The following PGC variants were observed in gnomAD, a reference collection of about 807,000 sequenced individuals.
The protein encoded by PGC is gastricsin.
A neutral mutation model predicts 45.9 loss-of-function variants in PGC; 31 were observed. The ratio of observed to expected loss-of-function variants is 0.67; its 90% CI spans 0.51 to 0.91. The LOEUF (loss-of-function observed/expected upper bound fraction) is 0.91, where lower values mean the gene tolerates loss of function less well. PGC is among the 40% of genes least tolerant of loss of function. The pLI, the probability that PGC is intolerant of heterozygous loss-of-function variation, is 0.00. For synonymous variants in PGC, 192 were observed against 201.8 expected, an observed-to-expected ratio of 0.95 and a Z score of 0.41; for missense variants, 477 against 493.2, an observed-to-expected ratio of 0.97 and a Z score of 0.31.
At chr6:41,745,540 G>T (rs1444263361) in intron 1 of PGC, among the ~76,000 whole-genome samples, 1 of 145,906 alleles carries the variant, frequency 6.9e-6, no homozygotes, top group Non-Finnish European at 1.5e-5. Context: ...ACCTGGCCCA[G>T]GATATGTAGT....
rs1420440261 is a variant in PGC at position 41,744,310 on chromosome 6, G to C, written c.328+87C>G. The C allele has an allele frequency of 4.5e-6, 4 of 893,524 alleles. No individual in the cohort carries two copies. In the East Asian group the frequency reaches 7.3e-5, roughly 16 times the overall value. 55.3% of individuals were successfully genotyped at this position (893,524 alleles called of 1,614,324 possible). ...CCAGGACTGAGCTCCCCTCAGTCCT[G>C]AGCTCCCTCTGGAAGTTTGGCCCTC... On this transcript the variant is annotated intron_variant, in intron 3 of 8. Transcript: ENST00000373025. The surrounding 1 kb of genome is among the most constrained non-coding windows in gnomAD (Gnocchi z 4.4).
At chr6:41,737,102 TG>T in intron 8 of PGC, 98 bp from the exon 9 acceptor site, 1 of 1,222,738 alleles carries the variant, frequency 8.2e-7, no homozygotes, top group Non-Finnish European at 1.1e-6. Flanking sequence ...AGTGCAGAGC[TG>T]AGGGAGCCAG....
intron 8 of PGC, 115 bp downstream of exon 8, chr6:41,737,615 G>GT (rs1431695487): frequency 1.1e-5 from 7 of 649,764 alleles, no homozygotes; most frequent in African/African-American, 3.6e-5. Context: ...AGATAAATGA[G>GT]TACAAGCGTG....
intron 4 of PGC, among the ~76,000 whole-genome samples, chr6:41,742,939 C>T (rs1278681677): frequency 2.0e-5 from 3 of 152,196 alleles, no homozygotes; most frequent in African/African-American, 7.2e-5. Flanking sequence ...TGCCTCTTGA[C>T]AGGTGTTGCA....
intron 5 of PGC, chr6:41,741,891 A>G: frequency 7.3e-7 from 1 of 1,378,744 alleles, no homozygotes; most frequent in Non-Finnish European, 1.0e-6. Context: ...ACTATGCAAA[A>G]GAGGGATACA....
chr6:41,740,758 G>A (rs1771807418), intron 5 of PGC, 148 bp from the exon 6 acceptor site: 8 of 1,451,000 alleles, frequency 5.5e-6, no homozygotes, highest in Non-Finnish European at 5.4e-6. Context: ...CTTCAGACTG[G>A]GGCTCCCTGA....
intron 1 of PGC, among the ~76,000 whole-genome samples, chr6:41,745,548 A>AC (rs757004562): frequency 0.018 from 2,445 of 138,676 alleles, 108 homozygotes; most frequent in African/African-American, 0.059. Flanking sequence ...CAGGATATGT[A>AC]GTTTTTTTTT....
intron 3 of PGC, 30 bp from the exon 4 acceptor site, chr6:41,743,419 G>A: frequency 2.2e-6 from 3 of 1,378,258 alleles, no homozygotes; most frequent in Non-Finnish European, 3.1e-6. Flanking sequence ...TGGGGAGTCA[G>A]GCCGGCTGGG....
In PGC at chr6:41,739,854, T is replaced by C. The variant is rs758492896; in HGVS notation, c.860A>G (p.Gln287Arg). The change falls in exon 7 of 9, where the codon CAG (glutamine) becomes CGG (arginine). Residue 287 changes from glutamine (Q) to arginine (R), a missense_variant. Gln to Arg is a conservative substitution (Grantham distance 43). Coordinates refer to ENST00000373025, the MANE Select transcript of PGC (RefSeq NM_002630.4). ...TGTSLLTVPQ[Q>R]YMSALLQATG... ...GGCCTGCAGAAGAGCACTCATGTAC[T>C]GCTGGGGCACAGTGAGCAGAGAGGT... The C allele has an allele frequency of 5.0e-6, 8 of 1,614,148 alleles. No homozygotes were observed. The highest frequency in any genetic ancestry group is 6.8e-6 in the Non-Finnish European group (8 of 1,180,022).
intron 6 of PGC, 95 bp downstream of exon 6, chr6:41,740,396 T>C: frequency 6.9e-7 from 1 of 1,458,040 alleles, no homozygotes; most frequent in South Asian, 1.4e-5. Context: ...CTCTGCCCCA[T>C]CCCAGAGCAG....
Position 41,747,390 on chromosome 6 carries a change from A to G in PGC, c.-56T>C. The G allele has an allele frequency of 2.1e-6, 3 of 1,437,114 alleles. No individual in the cohort carries two copies. The highest frequency in any genetic ancestry group is 2.9e-6 in the Non-Finnish European group (3 of 1,019,534). The allele number at this position is 1,437,114 out of a possible 1,614,324, so 89.0% of individuals were successfully genotyped here. On this transcript the variant is annotated 5_prime_UTR_variant, in exon 1 of 9. Coordinates refer to ENST00000373025, the MANE Select transcript of PGC (RefSeq NM_002630.4). ...GAGCAGCTCTGAGTTCTGCAGTCGC[A>G]GTGGAGTGAAGACCTGGGCACTCTT...
chr6:41,744,254 T>C lies in PGC; in HGVS notation c.328+143A>G. On this transcript the variant is annotated intron_variant, in intron 3 of 8. Transcript: ENST00000373025. The surrounding 1 kb of genome is among the most constrained non-coding windows in gnomAD (Gnocchi z 4.4). ...CATCTTTCCTCTGGCTTGGGCATGC[T>C]GTGTGGCCCTGCACATGTCCCTGGT... is the stretch of plus-strand genomic sequence containing the variant. 1.7e-6 allele frequency: 1 copy of C among 576,804 alleles called. No individual in the cohort carries two copies. The highest frequency in any genetic ancestry group is 3.1e-6 in the Non-Finnish European group (1 of 320,512). 35.7% of individuals were successfully genotyped at this position (576,804 alleles called of 1,614,324 possible).
chr6:41,746,600 C>T (rs1443431315), intron 1 of PGC, among the ~76,000 whole-genome samples: 6 of 152,226 alleles, frequency 3.9e-5, no homozygotes, highest in Non-Finnish European at 8.8e-5. Flanking sequence ...ACTCTGCATT[C>T]TCCAGAAATT....
chr6:41,738,169 T>TATATATATAC (rs60745323), intron 7 of PGC, among the ~76,000 whole-genome samples: 1,233 of 34,294 alleles, frequency 0.036, 33 homozygotes, highest in Non-Finnish European at 0.051. Context: ...TATATATGCA[T>TATATATATAC]ATATATATAC....
rs1168336257 is a variant in PGC at position 41,744,301 on chromosome 6, C to T, written c.328+96G>A. On this transcript the variant is annotated intron_variant, in intron 3 of 8. Transcript: ENST00000373025. The surrounding 1 kb of genome is among the most constrained non-coding windows in gnomAD (Gnocchi z 4.4). Reference sequence around the variant, plus strand: ...TGGTCCTCCCCAGGACTGAGCTCCCCTCAGTCCTGAGCTCCCTCTGGAAGT... The same window carrying T: ...TGGTCCTCCCCAGGACTGAGCTCCCTTCAGTCCTGAGCTCCCTCTGGAAGT... 1 of 812,140 alleles carries T rather than the reference C, an allele frequency of 1.2e-6. No individual in the cohort carries two copies. Among genetic ancestry groups the T allele is most frequent in the South Asian group, 1.7e-5 (1 of 60,508 alleles). The allele number at this position is 812,140 out of a possible 1,614,324, so 50.3% of individuals were successfully genotyped here. A position where few individuals can be genotyped will look rare whatever the true frequency, so the allele number is the denominator to read the frequency against.
Position 41,740,530 on chromosome 6 carries a change from G to A in PGC, c.728C>T (p.Pro243Leu), listed in dbSNP as rs572584010. ...CTGCCAGTAGAGTTCCTGGGTGACA[G>A]GCGCCCAGTAGATCTGCCCCGTGTA... is the stretch of plus-strand genomic sequence containing the variant. ...SLYTGQIYWA[P>L]VTQELYWQIG... The change falls in exon 6 of 9, where the codon CCT becomes CTT. Residue 243 changes from proline to leucine, a missense_variant. By Grantham distance (98) the Pro-to-Leu change is moderately conservative. Transcript: ENST00000373025. 5 of 1,611,050 alleles carry A rather than the reference G, an allele frequency of 3.1e-6. No individual in the cohort carries two copies. The East Asian group carries it at 6.7e-5, about 22-fold the overall frequency.
intron 7 of PGC, among the ~76,000 whole-genome samples, chr6:41,738,118 A>C: frequency 7.0e-6 from 1 of 142,564 alleles, no homozygotes; most frequent in South Asian, 2.1e-4. Flanking sequence ...GCAAGTGCCT[A>C]TATACATATA....
rs1771788903 is a variant in PGC at position 41,739,857 on chromosome 6, TG to T, written c.856del (p.Gln286SerfsTer4). 1 of 1,613,982 alleles carries T rather than the reference TG, an allele frequency of 6.2e-7. No individual in the cohort carries two copies. Among genetic ancestry groups the T allele is most frequent in the Admixed American group, 1.7e-5 (1 of 60,010 alleles). On this transcript the variant is annotated frameshift_variant, in exon 7 of 9. Coordinates refer to ENST00000373025, the MANE Select transcript of PGC (RefSeq NM_002630.4). LOFTEE classifies it high-confidence loss of function. Reference sequence around the variant, plus strand: ...CTGCAGAAGAGCACTCATGTACTGCTGGGGCACAGTGAGCAGAGAGGTGCCT... The same window carrying T: ...CTGCAGAAGAGCACTCATGTACTGCTGGGCACAGTGAGCAGAGAGGTGCCT... ...DTGTSLLTVP[Q>X]QYMSALLQAT...
At position 41,746,019 on chromosome 6, in the gene PGC, G is replaced by A. The variant is rs568368018; in HGVS notation, c.60-1211C>T. ...CTCTACTAAAATTACAAAATTAGCC[G>A]GGCATGGTGGCGCATGCCTGTAATC... On this transcript the variant is annotated intron_variant, in intron 1 of 8. Transcript: ENST00000373025. Among the ~76,000 whole-genome samples the A allele has an allele frequency of 2.8e-4, 42 of 151,986 alleles. 1 individual carries two copies. The highest frequency in any genetic ancestry group is 7.7e-4 in the African/African-American group (32 of 41,506).
Sources: allele counts gnomAD v4.1 joint callset (sites outside exome capture counted in the v4.1 genomes callset), GRCh38; gene constraint gnomAD v4.1.1; non-coding constraint Gnocchi (gnomAD v3.1); transcripts MANE v1.5; gene names NCBI Gene and HGNC (gene_info 2026-07-23, HGNC 2026-07-21).